Variants in SEPTIN9 observed in about 807,000 individuals in gnomAD.
SEPTIN9 encodes the protein septin 9, also known as septin-9.
In SEPTIN9, 13 loss-of-function variants were observed where a neutral mutation model predicts 56.6. The ratio of observed to expected loss-of-function variants is 0.23; its 90% CI spans 0.15 to 0.37. The LOEUF is 0.37. SEPTIN9 is among the 10% of genes least tolerant of loss of function. The probability of loss-of-function intolerance (pLI) is 1.00; values close to 1 mark genes in which losing one functional copy is unlikely to be tolerated. For missense variants in SEPTIN9, 650 were observed against 823.1 expected, an observed-to-expected ratio of 0.79 and a Z score of 2.57; for synonymous variants, 332 against 334.1, an observed-to-expected ratio of 0.99 and a Z score of 0.07.
rs2040438118 is a variant in SEPTIN9 at position 77,500,054 on chromosome 17, G to C, written c.*1396G>C. ...CTTCCTGTTACCTGTCTTGCTCCTG[G>C]GGAGAAAGAGGGGCCTGATGAGACT... is the stretch of plus-strand genomic sequence containing the variant. On this transcript the variant is annotated 3_prime_UTR_variant, in exon 12 of 12. Coordinates refer to ENST00000427177, the MANE Select transcript of SEPTIN9 (RefSeq NM_001113491.2). The C allele has an allele frequency of 4.3e-6, 1 of 234,758 alleles. No individual in the cohort carries two copies. The highest frequency in any genetic ancestry group is 2.2e-5 in the African/African-American group (1 of 45,286). 14.5% of individuals were successfully genotyped at this position (234,758 alleles called of 1,614,324 possible). A position where few individuals can be genotyped will look rare whatever the true frequency, so the allele number is the denominator to read the frequency against.
chr17:77,409,029 C>T (rs573540896), intron 3 of SEPTIN9, among the ~76,000 whole-genome samples: 1 of 152,202 alleles, frequency 6.6e-6, no homozygotes, highest in East Asian at 1.9e-4. Flanking sequence ...TTCTGTGGGG[C>T]TGTGTGCTTC....
chr17:77,355,784 C>T (rs1396595293), intron 2 of SEPTIN9, among the ~76,000 whole-genome samples: 1 of 151,406 alleles, frequency 6.6e-6, no homozygotes, highest in African/African-American at 2.4e-5. Context: ...AGATCGAGAC[C>T]ATCCTGGCTA....
chr17:77,493,973 A>G (rs1405068175), intron 10 of SEPTIN9, among the ~76,000 whole-genome samples: 4 of 151,926 alleles, frequency 2.6e-5, no homozygotes, highest in Admixed American at 2.6e-4. Context: ...GGATTTCGCC[A>G]TGTTGGCCAG....
Position 77,487,432 on chromosome 17 carries a change from G to T in SEPTIN9, c.922G>T (p.Gly308Cys), listed in dbSNP as rs769995350. ...TCCCATCCTCTCCCCAGGGCAGAGC[G>T]GCTTGGGTAAATCCACCTTAATCAA... ...EFNIMVVGQSGLGKSTLINTL... is the reference protein window; with the variant it reads ...EFNIMVVGQSCLGKSTLINTL... Residue 308 changes from glycine (G) to cysteine (C), a missense_variant, in exon 5 of 12, where the codon GGC becomes TGC. Gly to Cys is a radical substitution (Grantham distance 159). Coordinates refer to ENST00000427177, the MANE Select transcript of SEPTIN9 (RefSeq NM_001113491.2). The surrounding 1 kb of genome is among the most constrained non-coding windows in gnomAD (Gnocchi z 4.3). The T allele has an allele frequency of 6.2e-7, 1 of 1,602,178 alleles. No homozygotes were observed. The highest frequency in any genetic ancestry group is 8.5e-7 in the Non-Finnish European group (1 of 1,175,126).
At chr17:77,458,988 C>T (rs72887161) in intron 3 of SEPTIN9, among the ~76,000 whole-genome samples, 4,551 of 152,220 alleles carry the variant, frequency 0.03, 102 homozygotes, top group African/African-American at 0.059. Context: ...GAAAGGTGGG[C>T]GTGGGGACAG....
At chr17:77,443,986 A>G (rs1193828333) in intron 3 of SEPTIN9, among the ~76,000 whole-genome samples, 1 of 152,100 alleles carries the variant, frequency 6.6e-6, no homozygotes, top group East Asian at 1.9e-4. Flanking sequence ...GCAAAGGTGA[A>G]TAAGAGTCAA....
intron 3 of SEPTIN9, among the ~76,000 whole-genome samples, chr17:77,479,729 G>A (rs1206498419): frequency 2.7e-5 from 4 of 150,402 alleles, no homozygotes; most frequent in South Asian, 2.2e-4. Context: ...AGAGTTCAGG[G>A]GGCAGCGCCT....
chr17:77,382,741 G>A (rs1262591026), intron 2 of SEPTIN9, among the ~76,000 whole-genome samples: 3 of 152,174 alleles, frequency 2.0e-5, no homozygotes, highest in Non-Finnish European at 4.4e-5. Context: ...TTGGCCGCCT[G>A]GGCCCCTTGG....
At chr17:77,493,396 G>A (rs554895556) in intron 10 of SEPTIN9, among the ~76,000 whole-genome samples, 2 of 152,252 alleles carry the variant, frequency 1.3e-5, no homozygotes, top group East Asian at 1.9e-4. Flanking sequence ...TGGACAAATC[G>A]CCCAACCTCT....
chr17:77,476,288 G>A lies in SEPTIN9; in HGVS notation c.722-5856G>A, dbSNP rs1027609913. Among the ~76,000 whole-genome samples the A allele has an allele frequency of 1.1e-4, 16 of 152,286 alleles. No individual in the cohort carries two copies. The highest frequency in any genetic ancestry group is 3.8e-4 in the African/African-American group (16 of 41,564). ...GCCAGGTGGGCCAGGGTCAGCCCTG[G>A]GGCTGTGATGAGTGTGAGTGCCCCT... On this transcript the variant is annotated intron_variant, in intron 3 of 11. Coordinates refer to ENST00000427177, the MANE Select transcript of SEPTIN9 (RefSeq NM_001113491.2). This position sits in a 1 kb window ranked among gnomAD's most constrained non-coding sequence, Gnocchi z 6.0.
At chr17:77,407,693 T>TC (rs1317264378) in intron 3 of SEPTIN9, among the ~76,000 whole-genome samples, 8 of 152,100 alleles carry the variant, frequency 5.3e-5, no homozygotes, top group Non-Finnish European at 8.8e-5. Context: ...CCTGGTGAGG[T>TC]CTGAGCTTTA....
chr17:77,373,259 A>T (rs1482360524), intron 2 of SEPTIN9: 2 of 1,142,764 alleles, frequency 1.8e-6, no homozygotes, highest in African/African-American at 3.3e-5. Context: ...CGGGTGCGGG[A>T]ACCTGATCCG....
chr17:77,479,700 G>C (rs1011815487), intron 3 of SEPTIN9, among the ~76,000 whole-genome samples: 3 of 151,642 alleles, frequency 2.0e-5, no homozygotes, highest in Admixed American at 6.5e-5. Context: ...GGCTCCAGGG[G>C]CGTTGGGGGC....
At chr17:77,365,691 C>T (rs2034550845) in intron 2 of SEPTIN9, among the ~76,000 whole-genome samples, 2 of 152,074 alleles carry the variant, frequency 1.3e-5, no homozygotes, top group Admixed American at 1.3e-4. Flanking sequence ...GTTGCCAGGC[C>T]GCCACTCCCA....
intron 3 of SEPTIN9, among the ~76,000 whole-genome samples, chr17:77,470,291 T>TACTCACCCACCCATCC (rs2038932369): frequency 1.6e-5 from 2 of 127,238 alleles, no homozygotes; most frequent in Non-Finnish European, 1.7e-5. Context: ...TCCACCCATC[T>TACTCACCCACCCATCC]ACTCACCCAC....
chr17:77,375,350 C>G (rs1048567992), intron 2 of SEPTIN9: 7 of 152,176 alleles, frequency 4.6e-5, no homozygotes, highest in Admixed American at 6.5e-5. Flanking sequence ...CAGTTCCTAA[C>G]AGAAAGTGTC....
At chr17:77,491,796 A>C (rs1598469951) in intron 8 of SEPTIN9, among the ~76,000 whole-genome samples, 1 of 115,202 alleles carries the variant, frequency 8.7e-6, no homozygotes. Context: ...ACAGAGCGAG[A>C]CTCCATCTCA....
Position 77,435,066 on chromosome 17 carries a change from G to A in SEPTIN9, c.721+32363G>A, listed in dbSNP as rs2037289210. Among the ~76,000 whole-genome samples the A allele has an allele frequency of 1.3e-5, 2 of 152,204 alleles. No homozygotes were observed. The stretch of plus-strand genomic sequence containing the variant: ...CTTAAGGGCTCTTTACCTGGAGTAA[G>A]TATCCCCTTTAATCCTCCCAACAAC... On this transcript the variant is annotated intron_variant, in intron 3 of 11. Transcript: ENST00000427177. This position sits in a 1 kb window ranked among gnomAD's most constrained non-coding sequence, Gnocchi z 4.5.
chr17:77,381,813 T>C (rs557369113), intron 2 of SEPTIN9, among the ~76,000 whole-genome samples: 46 of 152,232 alleles, frequency 3.0e-4, no homozygotes, highest in African/African-American at 9.1e-4. Context: ...GGAGAGGCAG[T>C]TGGCTTATTT....
Sources: allele counts gnomAD v4.1 joint callset (sites outside exome capture counted in the v4.1 genomes callset), GRCh38; gene constraint gnomAD v4.1.1; non-coding constraint Gnocchi (gnomAD v3.1); transcripts MANE v1.5; gene names NCBI Gene and HGNC (gene_info 2026-07-23, HGNC 2026-07-21).